Variants in LRPPRC observed in about 807,000 individuals in gnomAD.
LRPPRC encodes the protein leucine-rich PPR motif-containing protein, mitochondrial.
In LRPPRC, 120 loss-of-function variants were observed where a neutral mutation model predicts 180.3. The ratio of observed to expected loss-of-function variants is 0.67; its 90% confidence interval spans 0.57 to 0.77. The LOEUF (loss-of-function observed/expected upper bound fraction) is 0.77. Ranked by LOEUF, LRPPRC falls within the 30% of genes least tolerant of loss-of-function variation. LRPPRC has a pLI of 0.00. For synonymous variants in LRPPRC, 723 were observed against 600.0 expected (o/e 1.21, Z -3.00); for missense variants, 2,012 against 1,657.2 (o/e 1.21, Z -3.72).
rs1327968590 is a variant in LRPPRC at position 43,948,217 on chromosome 2, A to T, written c.1843-18T>A. The T allele has an allele frequency of 2.8e-6, 4 of 1,423,338 alleles. No individual in the cohort carries two copies. Among genetic ancestry groups the T allele is most frequent in the Non-Finnish European group, 4.0e-6 (4 of 1,006,342 alleles). 88.2% of individuals were successfully genotyped at this position (1,423,338 alleles called of 1,614,324 possible). A position where few individuals can be genotyped will look rare whatever the true frequency, so the allele number is the denominator to read the frequency against. ...TTTACATTCTGTGAGAAGGGAAGGG[A>T]GGGGGGAAAAAACCTGAGTTTTAGA... On this transcript the variant is annotated intron_variant, in intron 17 of 37. Coordinates refer to ENST00000260665, the MANE Select transcript of LRPPRC (RefSeq NM_133259.4).
At chr2:43,893,901 C>A (rs991810361) in intron 36 of LRPPRC, among the ~76,000 whole-genome samples, 1 of 152,072 alleles carries the variant, frequency 6.6e-6, no homozygotes, top group Non-Finnish European at 1.5e-5. Flanking sequence ...TTACCCCATG[C>A]CTCCAGTGAG....
In LRPPRC at chr2:43,943,721, T is replaced by C. The variant is rs761577054; in HGVS notation, c.2470A>G (p.Ile824Val). The C allele has an allele frequency of 6.2e-6, 10 of 1,613,336 alleles. No homozygotes were observed. The highest frequency in any genetic ancestry group is 1.6e-4 in the Middle Eastern group (1 of 6,084). ...TGTACAGTGACCAATGGGAAACTTA[T>C]GTTGGTGGATGGTTCTGCTAACCCT... ...TLGLAEPSTN[I>V]SFPLVTVHLE... Residue 824 changes from isoleucine to valine, a missense_variant, in exon 23 of 38, where the codon ATA becomes GTA. Physicochemically the swap from Ile to Val is conservative, Grantham distance 29. Coordinates refer to ENST00000260665, the MANE Select transcript of LRPPRC (RefSeq NM_133259.4).
At chr2:43,970,368 C>T (rs1290438652) in intron 11 of LRPPRC, among the ~76,000 whole-genome samples, 4 of 152,178 alleles carry the variant, frequency 2.6e-5, no homozygotes, top group African/African-American at 9.6e-5. Flanking sequence ...AGAGAGCAGA[C>T]AAAGAAAGAT....
chr2:43,989,075 G>T (rs1288942659), intron 1 of LRPPRC, among the ~76,000 whole-genome samples: 1 of 152,032 alleles, frequency 6.6e-6, no homozygotes, highest in African/African-American at 2.4e-5. Context: ...GTCTCACTAT[G>T]TTGCCCAGGC....
At chr2:43,934,000 A>C (rs755186717) in intron 25 of LRPPRC, among the ~76,000 whole-genome samples, 190 bp downstream of exon 25, 119 of 152,286 alleles carry the variant, frequency 7.8e-4, no homozygotes, top group Non-Finnish European at 1.5e-3. Context: ...ATACAACCAG[A>C]CTGCCTTTTC....
chr2:43,889,604 T>TCTGTGAAGC, intron 37 of LRPPRC, 130 bp downstream of exon 37: 1 of 812,220 alleles, frequency 1.2e-6, no homozygotes, highest in Middle Eastern at 2.3e-4. Flanking sequence ...CCTCAAGCCA[T>TCTGTGAAGC]CCCCTGAGGG....
intron 2 of LRPPRC, among the ~76,000 whole-genome samples, 174 bp downstream of exon 2, chr2:43,982,064 T>C (rs1481359004): frequency 6.6e-6 from 1 of 152,094 alleles, no homozygotes; most frequent in Non-Finnish European, 1.5e-5. Context: ...CGCGCCACCA[T>C]GCCTGGCTAA....
intron 16 of LRPPRC, 63 bp downstream of exon 16, chr2:43,949,539 C>T (rs1029769886): frequency 8.5e-7 from 1 of 1,176,698 alleles, no homozygotes; most frequent in Admixed American, 1.7e-5. Flanking sequence ...ATCCTCCTAA[C>T]CCATCATTAC....
chr2:43,938,371 A>G (rs888211712), intron 23 of LRPPRC, among the ~76,000 whole-genome samples: 5 of 152,222 alleles, frequency 3.3e-5, no homozygotes, highest in Admixed American at 3.3e-4. Flanking sequence ...AAAATTGAGG[A>G]AAAGATTCTG....
chr2:43,921,308 A>G (rs556884161), intron 27 of LRPPRC, among the ~76,000 whole-genome samples: 1 of 152,246 alleles, frequency 6.6e-6, no homozygotes, highest in South Asian at 2.1e-4. Flanking sequence ...ACTAAAATAA[A>G]ACACAAATAC....
intron 21 of LRPPRC, 36 bp from the exon 22 acceptor site, chr2:43,945,453 G>A (rs1672647143): frequency 8.5e-7 from 1 of 1,179,034 alleles, no homozygotes. Context: ...TGTTTTAAAA[G>A]TCAATTAACT....
Position 43,919,325 on chromosome 2 carries a change from C to T in LRPPRC, c.2897-927G>A, listed in dbSNP as rs1297692647. On this transcript the variant is annotated intron_variant, in intron 27 of 37. Coordinates refer to ENST00000260665, the MANE Select transcript of LRPPRC (RefSeq NM_133259.4). ...TACCAAAAAGGTTGGGGGCTGCTGC[C>T]GTATAGTACACAGCTGTGGTGTGTA... Among the ~76,000 whole-genome samples the T allele has an allele frequency of 2.0e-5, 3 of 152,092 alleles. No individual in the cohort carries two copies. In the East Asian group the frequency reaches 5.8e-4, roughly 29 times the overall value.
chr2:43,961,279 C>A (rs1572549952), intron 12 of LRPPRC, among the ~76,000 whole-genome samples: 2 of 152,094 alleles, frequency 1.3e-5, no homozygotes, highest in African/African-American at 4.8e-5. Flanking sequence ...AATTTTTCTT[C>A]AGGTCTCTAG....
At chr2:43,913,019 G>C (rs1671319743) in intron 29 of LRPPRC, among the ~76,000 whole-genome samples, 1 of 152,088 alleles carries the variant, frequency 6.6e-6, no homozygotes, top group African/African-American at 2.4e-5. Context: ...TGGTTACAAT[G>C]GTTAACATTT....
At chr2:43,958,463 C>T (rs1673210478) in intron 13 of LRPPRC, among the ~76,000 whole-genome samples, 1 of 152,076 alleles carries the variant, frequency 6.6e-6, no homozygotes, top group South Asian at 2.1e-4. Context: ...ACAAATTAAC[C>T]CACACACATA....
Position 43,918,056 on chromosome 2 carries a change from T to C in LRPPRC, c.3117A>G (p.Ile1039Met). ...TTTGGTTCAATCGGCAGGCAATCAA[T>C]ATATCTTTCTGGAAATCAGGTTCTG... ...STTEPDFQKD[I>M]LIACRLNQKK... is the part of the protein sequence containing the mutation. Residue 1039 changes from isoleucine to methionine, a missense_variant, in exon 29 of 38, where the codon ATA becomes ATG. Ile to Met is a conservative substitution (Grantham distance 10). Coordinates refer to ENST00000260665, the MANE Select transcript of LRPPRC (RefSeq NM_133259.4). 2 of 1,607,290 alleles carry C rather than the reference T, an allele frequency of 1.2e-6. No homozygotes were observed. The highest frequency in any genetic ancestry group is 1.7e-6 in the Non-Finnish European group (2 of 1,176,252).
At chr2:43,889,610 G>T (rs1670409156) in intron 37 of LRPPRC, 124 bp downstream of exon 37, 1 of 849,422 alleles carries the variant, frequency 1.2e-6, no homozygotes, top group South Asian at 1.4e-5. Context: ...GCCATCCCCT[G>T]AGGGCTCTTC....
chr2:43,928,628 G>C (rs938102423), intron 25 of LRPPRC, among the ~76,000 whole-genome samples: 5 of 152,124 alleles, frequency 3.3e-5, no homozygotes, highest in Non-Finnish European at 7.4e-5. Context: ...GTATGCACCT[G>C]TAGTCCCAGC....
intron 32 of LRPPRC, 33 bp downstream of exon 32, chr2:43,901,287 C>CAGGA (rs1670873380): frequency 6.4e-7 from 1 of 1,566,104 alleles, no homozygotes. Context: ...TTCTAGTGAC[C>CAGGA]AATGAAGGAA....
Sources: allele counts gnomAD v4.1 joint callset (sites outside exome capture counted in the v4.1 genomes callset), GRCh38; gene constraint gnomAD v4.1.1; transcripts MANE v1.5; gene names NCBI Gene and HGNC (gene_info 2026-07-23, HGNC 2026-07-21).